Variants in RORA observed in about 807,000 individuals in gnomAD.
The protein encoded by RORA is RAR related orphan receptor A, also known as nuclear receptor ROR-alpha.
Under a neutral mutation model 69.5 loss-of-function variants are expected in RORA, and 7 were observed. That is an observed-to-expected ratio of 0.10 (90% CI 0.06 to 0.19). The LOEUF is 0.19. Ranked by LOEUF, RORA falls within the 10% of genes least tolerant of loss-of-function variation. The pLI, the probability that RORA is intolerant of heterozygous loss-of-function variation, is 1.00. For missense variants in RORA, 457 were observed against 663.0 expected (o/e 0.69, Z 3.41); for synonymous variants, 261 against 240.8 (o/e 1.08, Z -0.78).
intron 1 of RORA, among the ~76,000 whole-genome samples, chr15:61,035,895 G>A (rs562538624): frequency 1.4e-4 from 21 of 152,226 alleles, no homozygotes; most frequent in East Asian, 7.7e-4. Flanking sequence ...ATCTAATGGT[G>A]GGAAGCAGAA....
chr15:60,843,741 A>C (rs1200173934), intron 1 of RORA, among the ~76,000 whole-genome samples: 1 of 152,220 alleles, frequency 6.6e-6, no homozygotes, highest in East Asian at 1.9e-4. Context: ...AACGGCTGGC[A>C]CAGCCCTGTC....
intron 1 of RORA, among the ~76,000 whole-genome samples, chr15:61,028,709 C>A (rs1895963058): frequency 6.6e-6 from 1 of 152,186 alleles, no homozygotes; most frequent in African/African-American, 2.4e-5. Context: ...ATGCTGAATT[C>A]AATATTTAAA....
At chr15:60,626,707 C>G (rs556187224) in intron 2 of RORA, among the ~76,000 whole-genome samples, 1 of 152,032 alleles carries the variant, frequency 6.6e-6, no homozygotes, top group East Asian at 1.9e-4. Flanking sequence ...GAAACAGGAT[C>G]GGGAAAATCT....
chr15:60,895,294 G>A (rs563241138), intron 1 of RORA, among the ~76,000 whole-genome samples: 2 of 152,134 alleles, frequency 1.3e-5, no homozygotes, highest in African/African-American at 2.4e-5. Flanking sequence ...TTGCTATTTT[G>A]GAACATACAT....
In RORA at chr15:60,597,595, CACAT is replaced by C. The variant is rs1567115477; in HGVS notation, c.197-65748_197-65745del. 1.7e-3 allele frequency among the ~76,000 whole-genome samples: 53 copies of C among 30,402 alleles called. 2 individuals carry two copies. The highest frequency in any genetic ancestry group is 6.5e-3 in the African/African-American group (50 of 7,714). The allele number at this position is 30,402 out of a possible 152,430, so 19.9% of individuals were successfully genotyped here. ...ATATACACATATATATATATATATA[CACAT>C]ATATATATATATATATATACATACA... On this transcript the variant is annotated intron_variant, in intron 2 of 10. Coordinates refer to ENST00000335670, the MANE Select transcript of RORA (RefSeq NM_134261.3).
At chr15:60,703,193 T>C (rs1361886234) in intron 1 of RORA, among the ~76,000 whole-genome samples, 1 of 150,072 alleles carries the variant, frequency 6.7e-6, no homozygotes, top group African/African-American at 2.5e-5. Flanking sequence ...CAAAGAAACC[T>C]CCCATCACAT....
intron 1 of RORA, among the ~76,000 whole-genome samples, chr15:60,925,713 G>C (rs904144901): frequency 6.6e-6 from 1 of 152,228 alleles, no homozygotes; most frequent in Admixed American, 6.5e-5. Flanking sequence ...TTCACTGGAA[G>C]CATGAGGGTG....
At chr15:60,996,571 G>T (rs530903667) in intron 1 of RORA, among the ~76,000 whole-genome samples, 7 of 152,224 alleles carry the variant, frequency 4.6e-5, no homozygotes, top group African/African-American at 1.7e-4. Flanking sequence ...AATGCACAGG[G>T]AATACATACA....
intron 1 of RORA, among the ~76,000 whole-genome samples, chr15:61,130,578 T>C (rs574322522): frequency 1.3e-5 from 2 of 152,320 alleles, no homozygotes; most frequent in East Asian, 3.9e-4. Context: ...AGCTAAAGTA[T>C]TGAGTAAGTA....
intron 1 of RORA, among the ~76,000 whole-genome samples, chr15:60,732,129 C>T (rs749842175): frequency 1.3e-5 from 2 of 152,154 alleles, no homozygotes; most frequent in Non-Finnish European, 2.9e-5. Context: ...AAAGACGTTG[C>T]CTTAAAATGT....
In RORA at chr15:60,669,375, T is replaced by G. The variant is rs1017271508; in HGVS notation, c.196+9282A>C. ...TGTTTGTTTGTTTGTTTGTTTGTTTTTTTAACGTAGTTGGTCACAGGAGCA... is the reference window on the plus strand; with the variant it reads ...TGTTTGTTTGTTTGTTTGTTTGTTTGTTTAACGTAGTTGGTCACAGGAGCA... On this transcript the variant is annotated intron_variant, in intron 2 of 10. Transcript: ENST00000335670. Among the ~76,000 whole-genome samples the G allele has an allele frequency of 1.2e-4, 18 of 149,826 alleles. 1 individual carries two copies. In the South Asian group the frequency reaches 2.3e-3, roughly 19 times the overall value.
At chr15:60,561,071 G>GTTTTTTTTTTTTTTTT (rs1327292946) in intron 2 of RORA, among the ~76,000 whole-genome samples, 1 of 110,496 alleles carries the variant, frequency 9.1e-6, no homozygotes, top group African/African-American at 4.7e-5. Flanking sequence ...TTTTTTTTTT[G>GTTTTTTTTTTTTTTTT]TTTTGTTTTT....
At chr15:60,941,597 C>T (rs1033520605) in intron 1 of RORA, among the ~76,000 whole-genome samples, 2 of 152,206 alleles carry the variant, frequency 1.3e-5, no homozygotes, top group African/African-American at 4.8e-5. Context: ...TGCTTTCACC[C>T]AGAGGTGTTC....
intron 2 of RORA, among the ~76,000 whole-genome samples, chr15:60,536,537 G>A (rs2899660): frequency 0.047 from 7,217 of 152,298 alleles, 607 homozygotes; most frequent in African/African-American, 0.17. Flanking sequence ...AGTTGCAGGA[G>A]TGTCACAGGG....
intron 2 of RORA, among the ~76,000 whole-genome samples, chr15:60,553,199 T>C (rs1306093089): frequency 6.6e-6 from 1 of 152,208 alleles, no homozygotes; most frequent in Non-Finnish European, 1.5e-5. Context: ...TCAAAGTTAA[T>C]CTCCATCTGC....
At position 60,603,085 on chromosome 15, in the gene RORA, G is replaced by A. The variant is rs993562108; in HGVS notation, c.197-71234C>T. ...GCATAAAGCATTTGAGATTCATCCC[G>A]TGTTGTTGAGTACAATAATTTGCTC... On this transcript the variant is annotated intron_variant, in intron 2 of 10. Coordinates refer to ENST00000335670, the MANE Select transcript of RORA (RefSeq NM_134261.3). Among the ~76,000 whole-genome samples the A allele has an allele frequency of 4.6e-5, 7 of 152,274 alleles. No homozygotes were observed. In the South Asian group the frequency reaches 1.2e-3, roughly 27 times the overall value.
In RORA at chr15:60,812,465, A is replaced by G. The variant is rs370413928; in HGVS notation, c.167-133779T>C. ...TTCAAGGCTGCAGTCAGCCATGATC[A>G]TGCCACTGCACTCCAGCCTGGGCAA... On this transcript the variant is annotated intron_variant, in intron 1 of 10. Transcript: ENST00000335670. Among the ~76,000 whole-genome samples, 55 of 152,324 alleles carry G rather than the reference A, an allele frequency of 3.6e-4. No individual in the cohort carries two copies. In the East Asian group the frequency reaches 5.4e-3, roughly 15 times the overall value.
At chr15:60,653,519 A>T (rs890227253) in intron 2 of RORA, among the ~76,000 whole-genome samples, 1 of 152,170 alleles carries the variant, frequency 6.6e-6, no homozygotes, top group African/African-American at 2.4e-5. Flanking sequence ...GAATGACTGC[A>T]TGTTGATTGG....
intron 2 of RORA, among the ~76,000 whole-genome samples, chr15:60,551,915 G>A (rs1184221656): frequency 1.3e-5 from 2 of 152,206 alleles, no homozygotes; most frequent in Non-Finnish European, 2.9e-5. Flanking sequence ...ATTTCACAGA[G>A]AAAAACAGAA....
Sources: allele counts gnomAD v4.1 joint callset (sites outside exome capture counted in the v4.1 genomes callset), GRCh38; gene constraint gnomAD v4.1.1; transcripts MANE v1.5; gene names NCBI Gene and HGNC (gene_info 2026-07-23, HGNC 2026-07-21).